Variants in DAB1 observed in about 807,000 individuals in gnomAD.
DAB1 encodes disabled homolog 1.
A neutral mutation model predicts 64.6 loss-of-function variants in DAB1; 15 were observed. The observed-to-expected ratio is 0.23, with a 90% CI of 0.16 to 0.36. The LOEUF is 0.36. Ranked by LOEUF, DAB1 falls within the 10% of genes least tolerant of loss-of-function variation. The probability of loss-of-function intolerance (pLI) is 1.00; values close to 1 mark genes in which losing one functional copy is unlikely to be tolerated. For synonymous variants in DAB1, 235 were observed against 251.9 expected (o/e 0.93, Z 0.64); for missense variants, 596 against 706.7 (o/e 0.84, Z 1.78).
chr1:58,113,971 G>T (rs1253660330), intron 5 of DAB1, among the ~76,000 whole-genome samples: 1 of 151,958 alleles, frequency 6.6e-6, no homozygotes, highest in Non-Finnish European at 1.5e-5. Flanking sequence ...TTCTGGCCAG[G>T]TACAATGGCT....
intron 1 of DAB1, among the ~76,000 whole-genome samples, chr1:57,381,351 C>T (rs1440972371): frequency 1.3e-5 from 2 of 152,160 alleles, no homozygotes; most frequent in East Asian, 3.9e-4. Context: ...AAGCTTCTTA[C>T]ATCTAGTCAA....
intron 2 of DAB1, among the ~76,000 whole-genome samples, chr1:57,185,899 G>A (rs1043073261): frequency 6.6e-6 from 1 of 152,092 alleles, no homozygotes; most frequent in Non-Finnish European, 1.5e-5. Flanking sequence ...CCCCGAGTAC[G>A]AGATTCCAGA....
At chr1:57,371,085 C>T (rs1392111285) in intron 1 of DAB1, among the ~76,000 whole-genome samples, 2 of 152,190 alleles carry the variant, frequency 1.3e-5, no homozygotes, top group East Asian at 3.9e-4. Context: ...ATATGCACAG[C>T]TGTGGTGACC....
chr1:58,301,642 G>C (rs915380903), intron 4 of DAB1, among the ~76,000 whole-genome samples: 2 of 152,112 alleles, frequency 1.3e-5, no homozygotes, highest in Non-Finnish European at 2.9e-5. Context: ...GTATCTTTAA[G>C]ACCTTAATTG....
chr1:57,726,491 G>A (rs1240862406), intron 6 of DAB1, among the ~76,000 whole-genome samples: 2 of 152,182 alleles, frequency 1.3e-5, no homozygotes, highest in Non-Finnish European at 2.9e-5. Context: ...AGGCCACAGA[G>A]AAAGGCAGGT....
intron 3 of DAB1, among the ~76,000 whole-genome samples, chr1:58,473,448 AGGAGAATGGCGTGAACCCGGGAAGC>A (rs1645384465): frequency 1.3e-5 from 2 of 152,046 alleles, no homozygotes; most frequent in South Asian, 4.1e-4. Context: ...AGGCTGAGGC[AGGAGAATGGCGTGAACCCGGGAAGC>A]GGAGCTTGCA....
chr1:57,488,234 T>A (rs772801799), intron 7 of DAB1, among the ~76,000 whole-genome samples: 2 of 151,834 alleles, frequency 1.3e-5, no homozygotes, highest in Non-Finnish European at 2.9e-5. Flanking sequence ...AAACCCTGTC[T>A]CTACTAAAAA....
chr1:58,399,309 G>A (rs1644550797), intron 3 of DAB1, among the ~76,000 whole-genome samples: 1 of 152,136 alleles, frequency 6.6e-6, no homozygotes, highest in East Asian at 1.9e-4. Context: ...TTTTGCAGAT[G>A]AGCACTTTCC....
intron 6 of DAB1, among the ~76,000 whole-genome samples, chr1:57,727,934 T>G (rs1298483824): frequency 1.3e-5 from 2 of 151,408 alleles, no homozygotes; most frequent in East Asian, 1.9e-4. Context: ...AGGCTGGGAG[T>G]AGGGTGGAGG....
chr1:57,051,343 A>T (rs1288718148), intron 9 of DAB1, among the ~76,000 whole-genome samples: 1 of 152,232 alleles, frequency 6.6e-6, no homozygotes, highest in African/African-American at 2.4e-5. Flanking sequence ...CGTTCAGACA[A>T]GATTTAATCC....
intron 1 of DAB1, among the ~76,000 whole-genome samples, chr1:57,861,831 T>C (rs17519798): frequency 0.089 from 13,458 of 150,434 alleles, 864 homozygotes; most frequent in Admixed American, 0.23. Flanking sequence ...TATGAAGATA[T>C]GCTATTGTCA....
At chr1:57,937,125 TG>T (rs1459374778) in intron 5 of DAB1, among the ~76,000 whole-genome samples, 2 of 152,020 alleles carry the variant, frequency 1.3e-5, no homozygotes, top group African/African-American at 2.4e-5. Flanking sequence ...TGCTTTAAAT[TG>T]GGTCTGGCAC....
At chr1:58,226,117 T>A (rs1410195838) in intron 4 of DAB1, among the ~76,000 whole-genome samples, 1 of 152,136 alleles carries the variant, frequency 6.6e-6, no homozygotes, top group African/African-American at 2.4e-5. Flanking sequence ...TGCCAGCAAC[T>A]GGAATTCTAG....
At chr1:57,184,154 G>T (rs1020856023) in intron 2 of DAB1, among the ~76,000 whole-genome samples, 1 of 152,156 alleles carries the variant, frequency 6.6e-6, no homozygotes, top group African/African-American at 2.4e-5. Flanking sequence ...CCACATCCAG[G>T]CACCCTGTTA....
intron 3 of DAB1, among the ~76,000 whole-genome samples, chr1:58,469,994 T>C (rs1235364911): frequency 6.6e-6 from 1 of 151,898 alleles, no homozygotes; most frequent in Admixed American, 6.6e-5. Flanking sequence ...TTTGTAGAAG[T>C]GTACAATCAT....
intron 1 of DAB1, chr1:57,862,417 C>T (rs758290932): frequency 1.3e-5 from 2 of 152,018 alleles, no homozygotes; most frequent in Non-Finnish European, 2.9e-5. Flanking sequence ...AATTACATAA[C>T]GTTTTCAATG....
At chr1:58,196,143 T>C (rs1485037608) in intron 4 of DAB1, among the ~76,000 whole-genome samples, 1 of 152,122 alleles carries the variant, frequency 6.6e-6, no homozygotes, top group East Asian at 1.9e-4. Context: ...AAGATACAGA[T>C]AGCTATTCAA....
chr1:57,016,101 T>G lies in DAB1; in HGVS notation c.896-670A>C, dbSNP rs545318833. Among the ~76,000 whole-genome samples the G allele has an allele frequency of 2.5e-3, 379 of 152,310 alleles. 3 individuals carry two copies. The highest frequency in any genetic ancestry group is 4.0e-3 in the Non-Finnish European group (270 of 68,028). On this transcript the variant is annotated intron_variant, in intron 11 of 14. Transcript: ENST00000371236. ...TAATTGATAGTACATATTTAATATG[T>G]GGAGTATTGTACCTGACACAGGATC...
intron 1 of DAB1, among the ~76,000 whole-genome samples, chr1:57,346,814 T>A (rs539840425): frequency 6.6e-6 from 1 of 152,208 alleles, no homozygotes; most frequent in African/African-American, 2.4e-5. Flanking sequence ...TGAGGCTCTT[T>A]TTAAGTCTCA....
Sources: gnomAD v4.1 joint callset for allele counts (sites outside exome capture counted in the v4.1 genomes callset) on GRCh38, gnomAD v4.1.1 for gene constraint, MANE v1.5 for transcripts, NCBI Gene and HGNC (gene_info 2026-07-23, HGNC 2026-07-21) for gene names.